The following GPATCH1 variants were observed in gnomAD, a reference collection of about 807,000 sequenced individuals.
The protein encoded by GPATCH1 is G patch domain-containing protein 1.
A neutral mutation model predicts 114.9 loss-of-function variants in GPATCH1; 73 were observed. The ratio of observed to expected loss-of-function variants is 0.64; its 90% CI spans 0.53 to 0.77. The LOEUF is 0.77. Among genes scored for constraint, GPATCH1 ranks in the 30% least tolerant of loss-of-function variants. GPATCH1 has a pLI of 0.00. For missense variants in GPATCH1, 1,058 were observed against 1,144.3 expected (o/e 0.92, Z 1.09); for synonymous variants, 391 against 428.4 (o/e 0.91, Z 1.08).
At chr19:33,126,838 C>G (rs948498763) in intron 19 of GPATCH1, 105 bp downstream of exon 19, 1 of 978,604 alleles carries the variant, frequency 1.0e-6, no homozygotes, top group Non-Finnish European at 1.5e-6. Context: ...ACTGGTAGGC[C>G]GGGTGCAGTG....
intron 7 of GPATCH1, among the ~76,000 whole-genome samples, chr19:33,097,130 G>C (rs1972670519): frequency 6.6e-6 from 1 of 150,602 alleles, no homozygotes. Flanking sequence ...TTTTAGTAGA[G>C]ATGGGGTTTC....
At chr19:33,110,281 C>T (rs1316981854) in intron 11 of GPATCH1, among the ~76,000 whole-genome samples, 1 of 152,136 alleles carries the variant, frequency 6.6e-6, no homozygotes, top group Non-Finnish European at 1.5e-5. Flanking sequence ...ACTTACAGGC[C>T]GTTTGGTGTT....
At chr19:33,081,365 C>A in intron 1 of GPATCH1, 99 bp downstream of exon 1, 1 of 931,436 alleles carries the variant, frequency 1.1e-6, no homozygotes. Context: ...ATTGTTAGAT[C>A]GTTCCCAGCG....
Position 33,117,925 on chromosome 19 carries a change from C to T in GPATCH1, c.2297C>T (p.Ser766Phe). Residue 766 changes from serine (S) to phenylalanine (F), a missense_variant, in exon 16 of 20, where the codon TCC (serine) becomes TTC (phenylalanine). Ser to Phe is a radical substitution (Grantham distance 155). Transcript: ENST00000170564. ...AIFASSSDEK[S>F]SSSEDEQGDS... ...TTTGCCAGTTCCTCAGATGAAAAGTCCTCATCCTCCGAGGATGAGCAAGGT... is the reference window on the plus strand; with the variant it reads ...TTTGCCAGTTCCTCAGATGAAAAGTTCTCATCCTCCGAGGATGAGCAAGGT... 1 of 1,613,444 alleles carries T rather than the reference C, an allele frequency of 6.2e-7. No homozygotes were observed. Among genetic ancestry groups the T allele is most frequent in the African/African-American group, 1.3e-5 (1 of 74,972 alleles).
intron 9 of GPATCH1, among the ~76,000 whole-genome samples, chr19:33,102,395 C>T (rs963627837): frequency 2.9e-4 from 37 of 128,418 alleles, no homozygotes; most frequent in African/African-American, 1.3e-3. Context: ...TATCTAATTT[C>T]TATTTTTTTT....
rs368930675 is a variant in GPATCH1, at chr19:33,119,094, G to C, written c.2498G>C (p.Arg833Pro). The C allele has an allele frequency of 6.2e-7, 1 of 1,610,666 alleles. No homozygotes were observed. Among genetic ancestry groups the C allele is most frequent in the Non-Finnish European group, 8.5e-7 (1 of 1,177,986 alleles). The change falls in exon 17 of 20, where the codon CGG becomes CCG. Residue 833 changes from arginine to proline, a missense_variant. Physicochemically the swap from Arg to Pro is moderately radical, Grantham distance 103. This residue lies in a region of GPATCH1 where 893 missense variants were observed against 977.4 expected (regional missense o/e 0.91). Coordinates refer to ENST00000170564, the MANE Select transcript of GPATCH1 (RefSeq NM_018025.3). ...GATGAAAGAGAAGAGTTCGGCCCGC[G>C]GCTGCCTCCCGTCTTCTGCCCCAGT... ...QIDEREEFGP[R>P]LPPVFCPNAR... is the part of the protein sequence containing the mutation.
At chr19:33,116,495 G>C (rs180903551) in intron 15 of GPATCH1, among the ~76,000 whole-genome samples, 1 of 152,270 alleles carries the variant, frequency 6.6e-6, no homozygotes, top group East Asian at 1.9e-4. Flanking sequence ...GTTTTTGCTG[G>C]ATATAGAATT....
chr19:33,128,996 C>G (rs6510358), intron 19 of GPATCH1, among the ~76,000 whole-genome samples: 52,333 of 151,838 alleles, frequency 0.34, 11,143 homozygotes, highest in African/African-American at 0.58. Flanking sequence ...GTCTGTAATC[C>G]CAGCACTCTG....
At chr19:33,084,900 A>T (rs1177211617) in intron 1 of GPATCH1, among the ~76,000 whole-genome samples, 1 of 151,982 alleles carries the variant, frequency 6.6e-6, no homozygotes, top group African/African-American at 2.4e-5. Flanking sequence ...ACCTCAGGTG[A>T]TCCGCCCGCC....
intron 11 of GPATCH1, 47 bp from the exon 12 acceptor site, chr19:33,111,677 A>C: frequency 6.4e-7 from 1 of 1,573,660 alleles, no homozygotes; most frequent in South Asian, 1.1e-5. Flanking sequence ...TGTAAGCCCC[A>C]TGTTTTCCTG....
At chr19:33,119,752 G>C (rs1331282312) in intron 17 of GPATCH1, among the ~76,000 whole-genome samples, 3 of 151,192 alleles carry the variant, frequency 2.0e-5, no homozygotes, top group African/African-American at 7.3e-5. Context: ...TGGGCTGGTG[G>C]CTCACACCTG....
chr19:33,125,784 T>C (rs1254872802), intron 18 of GPATCH1, among the ~76,000 whole-genome samples: 2 of 152,224 alleles, frequency 1.3e-5, no homozygotes, highest in Non-Finnish European at 2.9e-5. Context: ...TCTTATTTAT[T>C]CAATGTTAAG....
chr19:33,117,808 T>C lies in GPATCH1; in HGVS notation c.2197-17T>C, dbSNP rs1355285066. ...CTTGCCTCTGTATCCCTGACTCTTATTTCACTGTCAATACAGACCGTCAAC... is the reference window on the plus strand; with the variant it reads ...CTTGCCTCTGTATCCCTGACTCTTACTTCACTGTCAATACAGACCGTCAAC... On this transcript the variant is annotated splice_polypyrimidine_tract_variant and intron_variant, in intron 15 of 19. Transcript: ENST00000170564. The C allele has an allele frequency of 3.2e-6, 5 of 1,587,220 alleles. No individual in the cohort carries two copies. The highest frequency in any genetic ancestry group is 1.1e-5 in the South Asian group (1 of 90,400).
At chr19:33,083,335 G>A (rs920215797) in intron 1 of GPATCH1, among the ~76,000 whole-genome samples, 4 of 150,820 alleles carry the variant, frequency 2.7e-5, no homozygotes, top group East Asian at 3.9e-4. Flanking sequence ...TCCCAGCTCA[G>A]CTTCTTAAAG....
At chr19:33,128,716 T>G (rs993110789) in intron 19 of GPATCH1, among the ~76,000 whole-genome samples, 1 of 152,174 alleles carries the variant, frequency 6.6e-6, no homozygotes, top group Non-Finnish European at 1.5e-5. Flanking sequence ...AAGGGTGTTG[T>G]GTGAATTCTT....
At chr19:33,120,218 ATATT>A (rs1599865864) in intron 17 of GPATCH1, among the ~76,000 whole-genome samples, 1 of 141,148 alleles carries the variant, frequency 7.1e-6, no homozygotes, top group African/African-American at 2.6e-5. Flanking sequence ...ATAAATATAT[ATATT>A]TAGATATTTT....
chr19:33,095,719 T>C lies in GPATCH1; in HGVS notation c.554-43T>C, dbSNP rs200375195. The C allele has an allele frequency of 4.9e-4, 684 of 1,385,460 alleles. 8 individuals carry two copies. The Admixed American group carries it at 9.1e-3, about 18-fold the overall frequency. The allele number at this position is 1,385,460 out of a possible 1,614,324, so 85.8% of individuals were successfully genotyped here. Reference sequence around the variant, plus strand: ...GCCCGGCCTGGTCGGGGTTTTCTATTTGTAGTCACTCATGACTATTGCATT... The same window carrying C: ...GCCCGGCCTGGTCGGGGTTTTCTATCTGTAGTCACTCATGACTATTGCATT... On this transcript the variant is annotated intron_variant, in intron 5 of 19. Coordinates refer to ENST00000170564, the MANE Select transcript of GPATCH1 (RefSeq NM_018025.3).
chr19:33,085,393 A>C (rs763399879), intron 1 of GPATCH1, among the ~76,000 whole-genome samples: 9 of 151,930 alleles, frequency 5.9e-5, no homozygotes, highest in Non-Finnish European at 1.3e-4. Flanking sequence ...CTAATTTTAA[A>C]CATTGCGTCA....
chr19:33,118,738 G>A (rs1057061646), intron 16 of GPATCH1, among the ~76,000 whole-genome samples: 6 of 152,096 alleles, frequency 3.9e-5, no homozygotes, highest in African/African-American at 9.7e-5. Flanking sequence ...TCTTAGGGGC[G>A]CTAGGCTACG....
Sources: allele counts gnomAD v4.1 joint callset (sites outside exome capture counted in the v4.1 genomes callset), GRCh38; gene constraint gnomAD v4.1.1; regional missense constraint gnomAD v4.1.1; transcripts MANE v1.5; gene names NCBI Gene and HGNC (gene_info 2026-07-23, HGNC 2026-07-21).